KCNMB2: variants seen among roughly 807,000 people sequenced by gnomAD.
KCNMB2 encodes potassium calcium-activated channel subfamily M regulatory beta subunit 2.
A neutral mutation model predicts 24.5 loss-of-function variants in KCNMB2; 9 were observed. The observed-to-expected ratio is 0.37, with a 90% confidence interval of 0.22 to 0.64. The LOEUF is 0.64. Ranked by LOEUF, KCNMB2 falls within the 30% of genes least tolerant of loss-of-function variation. KCNMB2 has a pLI of 0.63. For synonymous variants in KCNMB2, 109 were observed against 104.4 expected, an observed-to-expected ratio of 1.04 and a Z score of -0.27; for missense variants, 226 against 284.3, an observed-to-expected ratio of 0.79 and a Z score of 1.47.
intron 1 of KCNMB2, among the ~76,000 whole-genome samples, chr3:178,598,107 G>T (rs1049742388): frequency 5.3e-5 from 8 of 151,422 alleles, no homozygotes; most frequent in African/African-American, 1.9e-4. Context: ...TTTAAAACCA[G>T]CCTCAAAACT....
At chr3:178,706,075 T>C (rs1722268886) in intron 1 of KCNMB2, among the ~76,000 whole-genome samples, 1 of 152,100 alleles carries the variant, frequency 6.6e-6, no homozygotes, top group Non-Finnish European at 1.5e-5. Context: ...CACAGTCAGT[T>C]GCCCAAGGCT....
intron 1 of KCNMB2, among the ~76,000 whole-genome samples, chr3:178,713,735 T>C (rs1005491119): frequency 6.6e-6 from 1 of 152,194 alleles, no homozygotes; most frequent in African/African-American, 2.4e-5. Flanking sequence ...GCTCTGACGC[T>C]GCTTCCACAC....
chr3:178,567,592 T>TA (rs903541600), intron 1 of KCNMB2, among the ~76,000 whole-genome samples: 1 of 151,998 alleles, frequency 6.6e-6, no homozygotes, highest in Non-Finnish European at 1.5e-5. Context: ...AGCAAAGAGT[T>TA]ACAGCTAGCA....
intron 1 of KCNMB2, among the ~76,000 whole-genome samples, chr3:178,586,391 A>G (rs1378340994): frequency 6.6e-6 from 1 of 152,166 alleles, no homozygotes; most frequent in Non-Finnish European, 1.5e-5. Flanking sequence ...TCTAAAGATG[A>G]GCTCTTTTAG....
At chr3:178,777,798 G>C (rs1307664575) in intron 1 of KCNMB2, among the ~76,000 whole-genome samples, 6 of 152,190 alleles carry the variant, frequency 3.9e-5, no homozygotes, top group African/African-American at 1.4e-4. Flanking sequence ...GGTGCTTATA[G>C]TAATTATTTT....
chr3:178,602,805 T>G (rs1018419865), intron 1 of KCNMB2, among the ~76,000 whole-genome samples: 1 of 152,198 alleles, frequency 6.6e-6, no homozygotes, highest in Non-Finnish European at 1.5e-5. Flanking sequence ...GACAGACAGC[T>G]GAGCCTACCC....
At chr3:178,548,615 C>G (rs947210071) in intron 1 of KCNMB2, among the ~76,000 whole-genome samples, 1 of 152,170 alleles carries the variant, frequency 6.6e-6, no homozygotes, top group Admixed American at 6.5e-5. Context: ...CTCATTTCCA[C>G]CTCCCAAAAT....
At chr3:178,574,131 T>G (rs1230698471) in intron 1 of KCNMB2, among the ~76,000 whole-genome samples, 1 of 152,016 alleles carries the variant, frequency 6.6e-6, no homozygotes, top group African/African-American at 2.4e-5. Flanking sequence ...TGAATTAGTC[T>G]CTTTTAGATA....
intron 1 of KCNMB2, among the ~76,000 whole-genome samples, chr3:178,583,638 A>G (rs377178623): frequency 6.6e-6 from 1 of 152,232 alleles, no homozygotes; most frequent in East Asian, 1.9e-4. Context: ...CACAGCTAAA[A>G]TCTACTAGCT....
At chr3:178,756,359 C>T (rs1022803776) in intron 1 of KCNMB2, among the ~76,000 whole-genome samples, 1 of 151,722 alleles carries the variant, frequency 6.6e-6, no homozygotes, top group East Asian at 1.9e-4. Context: ...AGCCACTATT[C>T]CTATGGGAAA....
chr3:178,798,545 T>C (rs1358981569), intron 1 of KCNMB2, among the ~76,000 whole-genome samples: 1 of 152,022 alleles, frequency 6.6e-6, no homozygotes, highest in Non-Finnish European at 1.5e-5. Flanking sequence ...TATGCAGCCA[T>C]AAAAAGTAAC....
chr3:178,562,958 C>A (rs1716377844), intron 1 of KCNMB2, among the ~76,000 whole-genome samples: 1 of 152,124 alleles, frequency 6.6e-6, no homozygotes, highest in South Asian at 2.1e-4. Flanking sequence ...AAAAACAAAA[C>A]AAATAAAATA....
At chr3:178,635,106 G>A (rs920468979) in intron 1 of KCNMB2, among the ~76,000 whole-genome samples, 14 of 152,122 alleles carry the variant, frequency 9.2e-5, no homozygotes, top group African/African-American at 3.4e-4. Context: ...ACAAGGTAGT[G>A]CTTCTCTGTA....
At chr3:178,592,919 G>A (rs866464896) in intron 1 of KCNMB2, among the ~76,000 whole-genome samples, 4 of 152,020 alleles carry the variant, frequency 2.6e-5, no homozygotes, top group Admixed American at 6.6e-5. Flanking sequence ...TTGCTTTAAC[G>A]TGGTCCCAGA....
At chr3:178,757,135 T>C (rs1724086482) in intron 1 of KCNMB2, 1 of 150,270 alleles carries the variant, frequency 6.7e-6, no homozygotes, top group African/African-American at 2.4e-5. Flanking sequence ...GTTTATTTCC[T>C]TCTTGTAAAA....
intron 1 of KCNMB2, among the ~76,000 whole-genome samples, chr3:178,733,376 T>C (rs1229713957): frequency 2.6e-5 from 4 of 152,334 alleles, no homozygotes; most frequent in African/African-American, 9.6e-5. Context: ...CAGGACATCA[T>C]AGGCCTTTGT....
At chr3:178,587,585 G>A (rs1352867230) in intron 1 of KCNMB2, among the ~76,000 whole-genome samples, 3 of 149,512 alleles carry the variant, frequency 2.0e-5, no homozygotes, top group Admixed American at 1.3e-4. Flanking sequence ...CGCCACACCC[G>A]GCTAATTTTT....
chr3:178,554,763 G>A (rs1384402301), intron 1 of KCNMB2, among the ~76,000 whole-genome samples: 2 of 152,174 alleles, frequency 1.3e-5, no homozygotes, highest in Non-Finnish European at 2.9e-5. Flanking sequence ...AAACAGACTG[G>A]AAGACATGTT....
intron 1 of KCNMB2, among the ~76,000 whole-genome samples, chr3:178,585,679 CTT>C (rs1717401082): frequency 6.6e-6 from 1 of 152,148 alleles, no homozygotes; most frequent in African/African-American, 2.4e-5. Context: ...GGTGGGCTGA[CTT>C]GGGCTTGATC....
Sources: allele counts gnomAD v4.1 joint callset (sites outside exome capture counted in the v4.1 genomes callset), GRCh38; gene constraint gnomAD v4.1.1; transcripts MANE v1.5; gene names NCBI Gene and HGNC (gene_info 2026-07-23, HGNC 2026-07-21).